FAM32A: variants seen among roughly 807,000 people sequenced by gnomAD.
The protein encoded by FAM32A is protein FAM32A.
A neutral mutation model predicts 15.8 loss-of-function variants in FAM32A; 9 were observed. The ratio of observed to expected loss-of-function variants is 0.57; its 90% CI spans 0.34 to 1.00. The LOEUF (loss-of-function observed/expected upper bound fraction) is 1.00. Among genes scored for constraint, FAM32A ranks in the 50% least tolerant of loss-of-function variants. The probability of loss-of-function intolerance (pLI) is 0.02; values close to 1 mark genes in which losing one functional copy is unlikely to be tolerated. For synonymous variants in FAM32A, 64 were observed against 54.9 expected, an observed-to-expected ratio of 1.16 and a Z score of -0.73; for missense variants, 113 against 138.3, an observed-to-expected ratio of 0.82 and a Z score of 0.92.
Position 16,185,413 on chromosome 19 carries a change from A to T in FAM32A, c.-30A>T, listed in dbSNP as rs1267170368. 6.5e-7 allele frequency: 1 copy of T among 1,539,384 alleles called. No homozygotes were observed. The highest frequency in any genetic ancestry group is 2.4e-5 in the East Asian group (1 of 40,954). On this transcript the variant is annotated 5_prime_UTR_variant, in exon 1 of 4. Transcript: ENST00000263384. ...AGTGTTTGCAAACAGGAAGTGTGGC[A>T]CTCCAGCTACCGAAGCACTGGAGAG...
At chr19:16,185,900 T>C in intron 2 of FAM32A, 135 bp downstream of exon 2, 2 of 1,040,992 alleles carry the variant, frequency 1.9e-6, no homozygotes, top group Non-Finnish European at 2.7e-6. Flanking sequence ...GAGGATGCTG[T>C]ACGTGAGTGA....
Position 16,190,999 on chromosome 19 carries a change from G to T in FAM32A, c.*44G>T. ...GAGCAGCATCGAGGGTTCGCAAAAG[G>T]CCACACTGGGGTTGTGTGTGTTTCC... On this transcript the variant is annotated 3_prime_UTR_variant, in exon 4 of 4. Transcript: ENST00000263384. 7.0e-7 allele frequency: 1 copy of T among 1,435,374 alleles called. No individual in the cohort carries two copies. The highest frequency in any genetic ancestry group is 9.8e-7 in the Non-Finnish European group (1 of 1,017,170). 88.9% of individuals were successfully genotyped at this position (1,435,374 alleles called of 1,614,324 possible).
chr19:16,186,181 A>C, intron 2 of FAM32A: 1 of 192,952 alleles, frequency 5.2e-6, no homozygotes, highest in Non-Finnish European at 1.1e-5. Context: ...TGAAAGTAAA[A>C]AGCAGTGCAT....
Position 16,185,715 on chromosome 19 carries a change from G to C in FAM32A, c.166G>C (p.Asp56His), listed in dbSNP as rs1309565683. The change falls in exon 2 of 4, where the codon GAC becomes CAC. Residue 56 changes from aspartate (D) to histidine (H), a missense_variant. Physicochemically the swap from Asp to His is moderately conservative, Grantham distance 81. Transcript: ENST00000263384. ...CGAGGAGGAGAAGCGGCGCGGCCTG[G>C]ACAAGCGGACCCCGGCCCAGGCGGC... ...KNEEEKRRGL[D>H]KRTPAQAAFE... 1.3e-6 allele frequency: 2 copies of C among 1,559,480 alleles called. No homozygotes were observed. The highest frequency in any genetic ancestry group is 1.7e-6 in the Non-Finnish European group (2 of 1,150,558).
At chr19:16,185,805 C>A in intron 2 of FAM32A, 40 bp downstream of exon 2, 1 of 1,539,040 alleles carries the variant, frequency 6.5e-7, no homozygotes, top group South Asian at 1.2e-5. Flanking sequence ...CGGGAACACC[C>A]GGCGCCGGGA....
intron 2 of FAM32A, among the ~76,000 whole-genome samples, chr19:16,187,101 GAC>G (rs1487340819): frequency 6.6e-6 from 1 of 152,132 alleles, no homozygotes; most frequent in Non-Finnish European, 1.5e-5. Flanking sequence ...CCTCTGGCAT[GAC>G]AGACCTGAGT....
chr19:16,185,534 G>A lies in FAM32A; in HGVS notation c.74+18G>A, dbSNP rs1341647320. On this transcript the variant is annotated intron_variant, in intron 1 of 3. Transcript: ENST00000263384. The stretch of plus-strand genomic sequence containing the variant: ...ACCAAGCGGTGAGGCCCGAGGGCCC[G>A]CGGGATTCCGTCTTCATCCCCCTTA... 2 of 1,567,840 alleles carry A rather than the reference G, an allele frequency of 1.3e-6. No homozygotes were observed. Among genetic ancestry groups the A allele is most frequent in the Non-Finnish European group, 8.7e-7 (1 of 1,155,526 alleles).
intron 2 of FAM32A, 128 bp downstream of exon 2, chr19:16,185,893 G>C (rs1427877677): frequency 3.0e-5 from 32 of 1,077,370 alleles, no homozygotes; most frequent in Non-Finnish European, 3.5e-5. Context: ...ACGGGGAGAG[G>C]ATGCTGTACG....
chr19:16,186,111 T>C (rs931722379), intron 2 of FAM32A, among the ~76,000 whole-genome samples: 7 of 152,172 alleles, frequency 4.6e-5, no homozygotes, highest in African/African-American at 1.4e-4. Context: ...AAGTTTCCTC[T>C]TCTGTACGAG....
At chr19:16,190,818 C>A in intron 3 of FAM32A, 69 bp from the exon 4 acceptor site, 8 of 1,278,026 alleles carry the variant, frequency 6.3e-6, no homozygotes, top group Non-Finnish European at 9.2e-6. Flanking sequence ...TGGGGCTGGG[C>A]AGTGCCACTT....
intron 2 of FAM32A, 99 bp downstream of exon 2, chr19:16,185,864 G>A: frequency 7.5e-7 from 1 of 1,326,714 alleles, no homozygotes; most frequent in Non-Finnish European, 1.0e-6. Context: ...CAGGGGAGCG[G>A]TCAGAGGAGA....
intron 2 of FAM32A, chr19:16,186,649 T>TAATATTA (rs2091387165): frequency 6.6e-6 from 1 of 151,366 alleles, no homozygotes; most frequent in Admixed American, 6.6e-5. Context: ...TATTTTTTCT[T>TAATATTA]AACACCATAA....
At chr19:16,188,011 G>T (rs540104936) in intron 2 of FAM32A, among the ~76,000 whole-genome samples, 2 of 152,310 alleles carry the variant, frequency 1.3e-5, no homozygotes, top group East Asian at 3.9e-4. Flanking sequence ...CTCCCAAAGT[G>T]CTGGGATTAC....
At chr19:16,186,065 G>A (rs944797416) in intron 2 of FAM32A, among the ~76,000 whole-genome samples, 1 of 152,152 alleles carries the variant, frequency 6.6e-6, no homozygotes, top group Non-Finnish European at 1.5e-5. Context: ...TTTGCCCTGC[G>A]ACACTAGGCC....
At position 16,191,682 on chromosome 19, in the gene FAM32A, T is replaced by G. The variant is rs1467642410; in HGVS notation, c.*727T>G. The G allele has an allele frequency of 2.0e-5, 3 of 152,448 alleles. No individual in the cohort carries two copies. The highest frequency in any genetic ancestry group is 7.2e-5 in the African/African-American group (3 of 41,468). 9.4% of individuals were successfully genotyped at this position (152,448 alleles called of 1,614,324 possible). ...AATGGAACCAGACACAGCCTGCCTC[T>G]CAATCCTCAGCTGGGGGCTCCTAGC... On this transcript the variant is annotated 3_prime_UTR_variant, in exon 4 of 4. Coordinates refer to ENST00000263384, the MANE Select transcript of FAM32A (RefSeq NM_014077.4).
chr19:16,190,814 T>TGGGCA, intron 3 of FAM32A, 73 bp from the exon 4 acceptor site: 1 of 1,251,712 alleles, frequency 8.0e-7, no homozygotes, highest in Non-Finnish European at 1.2e-6. Context: ...GAGGTGGGGC[T>TGGGCA]GGGCAGTGCC....
rs1280178446 is a variant in FAM32A, at chr19:16,191,702, C to G, written c.*747C>G. ...GCCTCTCAATCCTCAGCTGGGGGCT[C>G]CTAGCAGCCTCTTGTATTTACTCAG... is the stretch of plus-strand genomic sequence containing the variant. On this transcript the variant is annotated 3_prime_UTR_variant, in exon 4 of 4. Coordinates refer to ENST00000263384, the MANE Select transcript of FAM32A (RefSeq NM_014077.4). 6.6e-6 allele frequency: 1 copy of G among 152,402 alleles called. No individual in the cohort carries two copies. Among genetic ancestry groups the G allele is most frequent in the East Asian group, 1.9e-4 (1 of 5,202 alleles). 9.4% of individuals were successfully genotyped at this position (152,402 alleles called of 1,614,324 possible).
chr19:16,188,131 C>T (rs2091392880), intron 2 of FAM32A, among the ~76,000 whole-genome samples: 1 of 152,154 alleles, frequency 6.6e-6, no homozygotes, highest in Admixed American at 6.5e-5. Flanking sequence ...CAGAATGAGA[C>T]TTATGCGAGA....
At position 16,191,268 on chromosome 19, in the gene FAM32A, G is replaced by A. The variant is rs1374191606; in HGVS notation, c.*313G>A. 1 of 359,726 alleles carries A rather than the reference G, an allele frequency of 2.8e-6. No homozygotes were observed. The highest frequency in any genetic ancestry group is 6.9e-5 in the East Asian group (1 of 14,586). The allele number at this position is 359,726 out of a possible 1,614,324, so 22.3% of individuals were successfully genotyped here. ...ATGTAAAAATGTTTTCACCCGAGTT[G>A]CATGTAACGCTCTGAGGCCAGCCAG... On this transcript the variant is annotated 3_prime_UTR_variant, in exon 4 of 4. Coordinates refer to ENST00000263384, the MANE Select transcript of FAM32A (RefSeq NM_014077.4).
Sources: allele counts gnomAD v4.1 joint callset (sites outside exome capture counted in the v4.1 genomes callset), GRCh38; gene constraint gnomAD v4.1.1; transcripts MANE v1.5; gene names NCBI Gene and HGNC (gene_info 2026-07-23, HGNC 2026-07-21).